The following ZNF224 variants were observed in gnomAD, a reference collection of about 807,000 sequenced individuals.
The protein encoded by ZNF224 is zinc finger protein 224.
Under a neutral mutation model 10.5 loss-of-function variants are expected in ZNF224, and 8 were observed. That is an observed-to-expected ratio of 0.76 (90% CI 0.45 to 1.37). ZNF224 has a LOEUF of 1.37. ZNF224 is among the 40% of genes most tolerant of loss of function. The pLI, the probability that ZNF224 is intolerant of heterozygous loss-of-function variation, is 0.00. For synonymous variants in ZNF224, 282 were observed against 287.8 expected, an observed-to-expected ratio of 0.98 and a Z score of 0.20; for missense variants, 754 against 854.0, an observed-to-expected ratio of 0.88 and a Z score of 1.46.
Position 44,106,551 on chromosome 19 carries a change from C to T in ZNF224, c.391C>T (p.Pro131Ser). 6.2e-7 allele frequency: 1 copy of T among 1,614,138 alleles called. No homozygotes were observed. The highest frequency in any genetic ancestry group is 8.5e-7 in the Non-Finnish European group (1 of 1,179,994). ...TCAGTTCTCCAAAGAAGGTGATTTC[C>T]CCTGCCAGACTGAGGCAGGACTATC... Reference protein sequence around the residue: ...SSQFSKEGDFPCQTEAGLSVI... With the variant: ...SSQFSKEGDFSCQTEAGLSVI... The change falls in exon 6 of 6, where the codon CCC (proline) becomes TCC (serine). Residue 131 changes from proline to serine, a missense_variant. By Grantham distance (74) the Pro-to-Ser change is moderately conservative (BLOSUM62 -1). Coordinates refer to ENST00000693561, the MANE Select transcript of ZNF224 (RefSeq NM_001321645.3).
Position 44,108,252 on chromosome 19 carries a change from C to T in ZNF224, c.2092C>T (p.His698Tyr). 1.2e-6 allele frequency: 2 copies of T among 1,612,356 alleles called. No homozygotes were observed. The highest frequency in any genetic ancestry group is 2.2e-5 in the South Asian group (2 of 90,818). Residue 698 changes from histidine to tyrosine, a missense_variant, in exon 6 of 6, where the codon CAT (histidine) becomes TAT (tyrosine). Physicochemically the swap from His to Tyr is moderately conservative, Grantham distance 83. Coordinates refer to ENST00000693561, the MANE Select transcript of ZNF224 (RefSeq NM_001321645.3). ...CFSQASSLRL[H>Y]QNVHVGEKP The stretch of plus-strand genomic sequence containing the variant: ...TAGTCAGGCCTCAAGCCTTCGACTT[C>T]ATCAGAATGTTCATGTTGGAGAAAA...
At chr19:44,100,126 C>G (rs1213983896) in intron 3 of ZNF224, among the ~76,000 whole-genome samples, 2 of 152,194 alleles carry the variant, frequency 1.3e-5, no homozygotes, top group African/African-American at 4.8e-5. Flanking sequence ...GTATATTCCA[C>G]TGTTTAATTT....
chr19:44,095,224 C>A (rs1406059405), intron 1 of ZNF224: 1 of 216,662 alleles, frequency 4.6e-6, no homozygotes, highest in Admixed American at 4.2e-5. Context: ...GTTGTGTCCT[C>A]GGGCATGGGG....
intron 2 of ZNF224, among the ~76,000 whole-genome samples, chr19:44,096,871 G>T (rs1245098726): frequency 6.6e-6 from 1 of 152,108 alleles, no homozygotes; most frequent in Admixed American, 6.5e-5. Context: ...ATTCATGTGC[G>T]GGTTCACATT....
Position 44,106,775 on chromosome 19 carries a change from G to C in ZNF224, c.615G>C (p.Lys205Asn), listed in dbSNP as rs144310628. 2 of 1,613,690 alleles carry C rather than the reference G, an allele frequency of 1.2e-6. No individual in the cohort carries two copies. Among genetic ancestry groups the C allele is most frequent in the Non-Finnish European group, 1.7e-6 (2 of 1,179,728 alleles). Residue 205 changes from lysine to asparagine, a missense_variant, in exon 6 of 6, where the codon AAG (lysine) becomes AAC (asparagine). By Grantham distance (94) the Lys-to-Asn change is moderately conservative. Transcript: ENST00000693561. ...QRVHMGEKCYKCDVCGKEFSQ... is the reference protein window; with the variant it reads ...QRVHMGEKCYNCDVCGKEFSQ... ...TCCACATGGGAGAGAAATGCTATAA[G>C]TGTGACGTGTGTGGTAAGGAATTCA... is the stretch of plus-strand genomic sequence containing the variant.
rs1376652865 is a variant in ZNF224, at chr19:44,100,857, G to A, written c.72G>A (p.Leu24=). The A allele has an allele frequency of 6.2e-7, 1 of 1,614,030 alleles. No homozygotes were observed. Among genetic ancestry groups the A allele is most frequent in the African/African-American group, 1.3e-5 (1 of 74,916 alleles). Residue 24 remains leucine (L), a synonymous_variant, in exon 4 of 6, where the codon CTG becomes CTA. Transcript: ENST00000693561. ...TCTTCACTGAGGAAGAGCTGGGGCTGCTGGACCTTGCTCAGAGGAAGCTGT... is the reference window on the plus strand; with the variant it reads ...TCTTCACTGAGGAAGAGCTGGGGCTACTGGACCTTGCTCAGAGGAAGCTGT... The part of the protein sequence containing the change: ...AVVFTEEELG[L]LDLAQRKLYR...
At position 44,108,449 on chromosome 19, in the gene ZNF224, G is replaced by A; in HGVS notation, c.*165G>A. Reference sequence around the variant, plus strand: ...TGGTGATAAATTTCACCCATTCTTGGAAGAGGGAAAACATTTGTTTAAGAT... The same window carrying A: ...TGGTGATAAATTTCACCCATTCTTGAAAGAGGGAAAACATTTGTTTAAGAT... On this transcript the variant is annotated 3_prime_UTR_variant, in exon 6 of 6. Coordinates refer to ENST00000693561, the MANE Select transcript of ZNF224 (RefSeq NM_001321645.3). The A allele has an allele frequency of 1.3e-6, 1 of 767,386 alleles. No individual in the cohort carries two copies. The highest frequency in any genetic ancestry group is 2.0e-6 in the Non-Finnish European group (1 of 491,678). The allele number at this position is 767,386 out of a possible 1,614,324, so 47.5% of individuals were successfully genotyped here.
chr19:44,103,089 A>C (rs1052080544), intron 5 of ZNF224, among the ~76,000 whole-genome samples: 4 of 152,250 alleles, frequency 2.6e-5, no homozygotes, highest in Admixed American at 6.5e-5. Context: ...TGTTAAAAAC[A>C]TAAAAGAATA....
intron 2 of ZNF224, chr19:44,097,107 A>G: frequency 4.6e-6 from 1 of 219,024 alleles, no homozygotes; most frequent in East Asian, 1.4e-4. Flanking sequence ...AAAATTGAAA[A>G]GAATAAAGTT....
At position 44,100,721 on chromosome 19, in the gene ZNF224, C is replaced by T. The variant is rs1300691125; in HGVS notation, c.16-80C>T. 5.3e-6 allele frequency: 8 copies of T among 1,512,606 alleles called. No individual in the cohort carries two copies. The East Asian group carries it at 1.6e-4, about 30-fold the overall frequency. The allele number at this position is 1,512,606 out of a possible 1,614,324, so 93.7% of individuals were successfully genotyped here. ...AGATCCAAAACAACTTCCCACCCCTCCCCTCTGTCTGCTCAGTGCCACCCC... is the reference window on the plus strand; with the variant it reads ...AGATCCAAAACAACTTCCCACCCCTTCCCTCTGTCTGCTCAGTGCCACCCC... On this transcript the variant is annotated intron_variant, in intron 3 of 5. Coordinates refer to ENST00000693561, the MANE Select transcript of ZNF224 (RefSeq NM_001321645.3).
In ZNF224 at chr19:44,106,696, A is replaced by G; in HGVS notation, c.536A>G (p.Asp179Gly). The change falls in exon 6 of 6, where the codon GAT becomes GGT. Residue 179 changes from aspartate to glycine, a missense_variant. Transcript: ENST00000693561. ...LHSGEKSHTCDECGKNFCYIS... is the reference protein window; with the variant it reads ...LHSGEKSHTCGECGKNFCYIS... The stretch of plus-strand genomic sequence containing the variant: ...TCAGGAGAGAAATCTCATACGTGTG[A>G]TGAGTGTGGAAAGAACTTTTGTTAC... 1 of 1,603,850 alleles carries G rather than the reference A, an allele frequency of 6.2e-7. No homozygotes were observed. Among genetic ancestry groups the G allele is most frequent in the Non-Finnish European group, 8.5e-7 (1 of 1,174,518 alleles).
In ZNF224 at chr19:44,100,975, C is replaced by T. The variant is rs745374943; in HGVS notation, c.142+48C>T. 2.5e-6 allele frequency: 4 copies of T among 1,608,184 alleles called. No homozygotes were observed. The South Asian group carries it at 3.3e-5, about 13-fold the overall frequency. Reference sequence around the variant, plus strand: ...ACAGAACGTCAGGCCCCAGAGGTGGCTTTGTATCCTAGGGTACAAAGTTTC... The same window carrying T: ...ACAGAACGTCAGGCCCCAGAGGTGGTTTTGTATCCTAGGGTACAAAGTTTC... On this transcript the variant is annotated intron_variant, in intron 4 of 5. Coordinates refer to ENST00000693561, the MANE Select transcript of ZNF224 (RefSeq NM_001321645.3).
In ZNF224 at chr19:44,106,895, A is replaced by G. The variant is rs751953398; in HGVS notation, c.735A>G (p.Ser245=). The G allele has an allele frequency of 4.9e-5, 79 of 1,609,666 alleles. No individual in the cohort carries two copies. The East Asian group carries it at 6.9e-4, about 14-fold the overall frequency. Residue 245 remains serine, a synonymous_variant, in exon 6 of 6, where the codon TCA becomes TCG. Coordinates refer to ENST00000693561, the MANE Select transcript of ZNF224 (RefSeq NM_001321645.3). ...GTGGGAAAGGCTTCAGTCGTAGATCAGCACTTAATGTTCATCATAAATTAC... is the reference window on the plus strand; with the variant it reads ...GTGGGAAAGGCTTCAGTCGTAGATCGGCACTTAATGTTCATCATAAATTAC... ...VECGKGFSRR[S]ALNVHHKLHT...
intron 5 of ZNF224, among the ~76,000 whole-genome samples, chr19:44,104,828 AT>A (rs958541992): frequency 3.9e-5 from 6 of 151,992 alleles, no homozygotes; most frequent in African/African-American, 1.4e-4. Context: ...TGTCTGGCTA[AT>A]TTTTTTGTAT....
intron 5 of ZNF224, among the ~76,000 whole-genome samples, chr19:44,104,248 T>C (rs1568530734): frequency 1.3e-5 from 2 of 152,236 alleles, no homozygotes; most frequent in African/African-American, 2.4e-5. Context: ...ATACATGTTA[T>C]GCCAAATTCT....
At position 44,106,603 on chromosome 19, in the gene ZNF224, C is replaced by T; in HGVS notation, c.443C>T (p.Ser148Phe). The T allele has an allele frequency of 6.2e-7, 1 of 1,607,364 alleles. No homozygotes were observed. Among genetic ancestry groups the T allele is most frequent in the Non-Finnish European group, 8.5e-7 (1 of 1,176,228 alleles). The change falls in exon 6 of 6, where the codon TCC becomes TTC. Residue 148 changes from serine to phenylalanine, a missense_variant. Physicochemically the swap from Ser to Phe is radical, Grantham distance 155. Transcript: ENST00000693561. ...LSVIHTRQKS[S>F]QGNGYKPSFS... ...GTAATTCACACAAGACAGAAATCTTCCCAGGGCAATGGATATAAACCATCC... is the reference window on the plus strand; with the variant it reads ...GTAATTCACACAAGACAGAAATCTTTCCAGGGCAATGGATATAAACCATCC...
Position 44,101,182 on chromosome 19 carries a change from G to T in ZNF224, c.192G>T (p.Lys64Asn), listed in dbSNP as rs571670969. The change falls in exon 5 of 6, where the codon AAG becomes AAT. Residue 64 changes from lysine (K) to asparagine (N), a missense_variant. Lys to Asn is a moderately conservative substitution (Grantham distance 94). Coordinates refer to ENST00000693561, the MANE Select transcript of ZNF224 (RefSeq NM_001321645.3). ...RDTFHFLREE[K>N]IWMMKTAIQR... ...CTTTCCACTTCCTAAGGGAAGAAAA[G>T]ATTTGGATGATGAAGACAGCAATCC... 2 of 1,614,172 alleles carry T rather than the reference G, an allele frequency of 1.2e-6. No individual in the cohort carries two copies. Among genetic ancestry groups the T allele is most frequent in the Admixed American group, 3.3e-5 (2 of 60,020 alleles).
Position 44,107,831 on chromosome 19 carries a change from A to G in ZNF224, c.1671A>G (p.Lys557=), listed in dbSNP as rs1967727239. 2 of 1,601,698 alleles carry G rather than the reference A, an allele frequency of 1.2e-6. No individual in the cohort carries two copies. The highest frequency in any genetic ancestry group is 2.3e-5 in the East Asian group (1 of 44,326). Residue 557 remains lysine (K), a synonymous_variant, in exon 6 of 6, where the codon AAA becomes AAG. Coordinates refer to ENST00000693561, the MANE Select transcript of ZNF224 (RefSeq NM_001321645.3). ...KSFGWASCLL[K]HQRLHSGEKP... ...TTGGCTGGGCCTCGTGTCTTTTGAA[A>G]CATCAGAGACTGCACAGTGGAGAAA... is the stretch of plus-strand genomic sequence containing the variant.
intron 5 of ZNF224, among the ~76,000 whole-genome samples, chr19:44,104,285 A>C (rs115142795): frequency 2.6e-5 from 4 of 152,058 alleles, no homozygotes; most frequent in Non-Finnish European, 4.4e-5. Context: ...GAATATGTAG[A>C]TATAAACACT....
Sources: allele counts gnomAD v4.1 joint callset (sites outside exome capture counted in the v4.1 genomes callset), GRCh38; gene constraint gnomAD v4.1.1; transcripts MANE v1.5; gene names NCBI Gene and HGNC (gene_info 2026-07-23, HGNC 2026-07-21).